CTNNA3: variants seen among roughly 807,000 people sequenced by gnomAD.
CTNNA3 encodes catenin alpha 3.
Under a neutral mutation model 95.7 loss-of-function variants are expected in CTNNA3, and 76 were observed. The ratio of observed to expected loss-of-function variants is 0.79; its 90% confidence interval spans 0.66 to 0.96. The LOEUF (loss-of-function observed/expected upper bound fraction) is 0.96. CTNNA3 is among the 40% of genes least tolerant of loss of function. The pLI is 0.00. For missense variants in CTNNA3, 1,191 were observed against 1,089.8 expected (o/e 1.09, Z -1.31); for synonymous variants, 431 against 374.4 (o/e 1.15, Z -1.74).
At chr10:67,001,933 G>C (rs982872819) in intron 7 of CTNNA3, among the ~76,000 whole-genome samples, 28 of 152,130 alleles carry the variant, frequency 1.8e-4, no homozygotes, top group African/African-American at 6.5e-4. Flanking sequence ...TTCAGTCAGG[G>C]CTTCACCATG....
chr10:66,427,150 C>A (rs1298746678), intron 11 of CTNNA3, among the ~76,000 whole-genome samples: 1 of 152,052 alleles, frequency 6.6e-6, no homozygotes, highest in Admixed American at 6.6e-5. Context: ...TAGTTGCATA[C>A]AGTGTGCTTT....
intron 13 of CTNNA3, among the ~76,000 whole-genome samples, chr10:66,169,669 T>C (rs1252059236): frequency 6.6e-6 from 1 of 152,162 alleles, no homozygotes; most frequent in Non-Finnish European, 1.5e-5. Context: ...TTTCACTGCA[T>C]CCATGCCAAA....
chr10:66,462,509 A>G (rs914027393), intron 11 of CTNNA3, among the ~76,000 whole-genome samples: 1 of 152,016 alleles, frequency 6.6e-6, no homozygotes, highest in African/African-American at 2.4e-5. Context: ...TCTTCTTCCT[A>G]TTCCATTTAT....
intron 13 of CTNNA3, among the ~76,000 whole-genome samples, chr10:66,189,687 C>G (rs1265097811): frequency 6.8e-6 from 1 of 146,950 alleles, no homozygotes; most frequent in Admixed American, 6.8e-5. Context: ...CTTCATTTTT[C>G]TTTTAAATTA....
chr10:66,671,890 A>G (rs1846673736), intron 9 of CTNNA3, among the ~76,000 whole-genome samples: 1 of 152,200 alleles, frequency 6.6e-6, no homozygotes, highest in Non-Finnish European at 1.5e-5. Context: ...AATACATACA[A>G]GTAAATACAT....
At chr10:65,952,029 C>CCCAA (rs2077626561) in intron 17 of CTNNA3, among the ~76,000 whole-genome samples, 1 of 99,738 alleles carries the variant, frequency 1.0e-5, no homozygotes, top group Non-Finnish European at 2.0e-5. Context: ...GGCTCCGCCT[C>CCCAA]AAAAAAAAAA....
chr10:66,538,910 A>C (rs1841750287), intron 10 of CTNNA3, among the ~76,000 whole-genome samples: 1 of 152,114 alleles, frequency 6.6e-6, no homozygotes, highest in Admixed American at 6.6e-5. Flanking sequence ...CCCTAGCTTT[A>C]TTATTTTATG....
At chr10:66,081,877 G>T (rs1589346976) in intron 14 of CTNNA3, among the ~76,000 whole-genome samples, 2 of 152,154 alleles carry the variant, frequency 1.3e-5, no homozygotes, top group African/African-American at 4.8e-5. Flanking sequence ...AGCACTTTGG[G>T]AGGCTGCGGT....
chr10:66,456,664 A>G (rs2093496970), intron 11 of CTNNA3, among the ~76,000 whole-genome samples: 1 of 151,948 alleles, frequency 6.6e-6, no homozygotes. Flanking sequence ...CAACAGAGCA[A>G]GACTCCATCT....
At chr10:66,068,642 G>A (rs1020981825) in intron 15 of CTNNA3, among the ~76,000 whole-genome samples, 1 of 152,110 alleles carries the variant, frequency 6.6e-6, no homozygotes, top group African/African-American at 2.4e-5. Context: ...CAGCTTCAGT[G>A]TATCCTTCTG....
chr10:66,099,604 A>G (rs2081536153), intron 14 of CTNNA3, among the ~76,000 whole-genome samples: 1 of 152,156 alleles, frequency 6.6e-6, no homozygotes, highest in Non-Finnish European at 1.5e-5. Context: ...CATAAACTTA[A>G]CTTATGAGAG....
chr10:67,733,775 C>T lies in CTNNA3; in HGVS notation c.-2+29659G>A, dbSNP rs897682873. Among the ~76,000 whole-genome samples, 7 of 152,282 alleles carry T rather than the reference C, an allele frequency of 4.6e-5. No individual in the cohort carries two copies. In the South Asian group the frequency reaches 1.4e-3, roughly 32 times the overall value. On this transcript the variant is annotated intron_variant, in intron 1 of 17. Coordinates refer to the CTNNA3 transcript ENST00000684154. ...ACAACTTAACCCTATTACATTGCCA[C>T]TCATGCTTTAATAACTCTTGTAAGG...
chr10:66,825,859 A>G (rs1384055440), intron 7 of CTNNA3, among the ~76,000 whole-genome samples: 1 of 152,152 alleles, frequency 6.6e-6, no homozygotes, highest in African/African-American at 2.4e-5. Flanking sequence ...TGCCTGTTCC[A>G]GATTGAATTC....
chr10:66,484,096 CAAAAT>C (rs559473256), intron 11 of CTNNA3, among the ~76,000 whole-genome samples: 11 of 151,932 alleles, frequency 7.2e-5, no homozygotes, highest in Non-Finnish European at 1.5e-4. Context: ...CCAAGTTAAG[CAAAAT>C]AAAATAAACA....
At chr10:66,610,454 AC>A (rs1420606139) in intron 10 of CTNNA3, among the ~76,000 whole-genome samples, 1 of 152,176 alleles carries the variant, frequency 6.6e-6, no homozygotes, top group African/African-American at 2.4e-5. Context: ...TGTTTCAATA[AC>A]AGTTTATTTA....
chr10:67,610,191 T>C (rs575007190), intron 2 of CTNNA3, among the ~76,000 whole-genome samples: 1 of 152,208 alleles, frequency 6.6e-6, no homozygotes, highest in African/African-American at 2.4e-5. Context: ...AGATCCTCCA[T>C]GCGCCAAATG....
intron 5 of CTNNA3, among the ~76,000 whole-genome samples, chr10:67,281,107 G>A (rs556164565): frequency 8.6e-5 from 13 of 150,808 alleles, no homozygotes; most frequent in Admixed American, 6.6e-4. Flanking sequence ...TCCTATTACT[G>A]ATTTTAGGTC....
At chr10:67,052,865 C>A (rs974306683) in intron 7 of CTNNA3, among the ~76,000 whole-genome samples, 1 of 151,996 alleles carries the variant, frequency 6.6e-6, no homozygotes, top group African/African-American at 2.4e-5. Context: ...TATATTAGTC[C>A]TAAATGTAAG....
chr10:66,305,524 T>C (rs2091920888), intron 12 of CTNNA3, among the ~76,000 whole-genome samples: 1 of 152,182 alleles, frequency 6.6e-6, no homozygotes, highest in Non-Finnish European at 1.5e-5. Flanking sequence ...TTAAGCAAAA[T>C]ATAATTAGCA....
Sources: gnomAD v4.1 joint callset for allele counts (sites outside exome capture counted in the v4.1 genomes callset) on GRCh38, gnomAD v4.1.1 for gene constraint, MANE v1.5 for transcripts, NCBI Gene and HGNC (gene_info 2026-07-23, HGNC 2026-07-21) for gene names.